HUWE1: variants seen among roughly 807,000 people sequenced by gnomAD.
The protein encoded by HUWE1 is E3 ubiquitin-protein ligase HUWE1.
Under a neutral mutation model 299.4 loss-of-function variants are expected in HUWE1, and 18 were observed. The observed-to-expected ratio is 0.06, with a 90% CI of 0.04 to 0.09. The LOEUF (loss-of-function observed/expected upper bound fraction) is 0.09. Among genes scored for constraint, HUWE1 ranks in the 10% least tolerant of loss-of-function variants. The pLI, the probability that HUWE1 is intolerant of heterozygous loss-of-function variation, is 1.00. For synonymous variants in HUWE1, 1,317 were observed against 1,286.1 expected (o/e 1.02, Z -0.51); for missense variants, 1,832 against 3,462.3 (o/e 0.53, Z 11.82).
At chrX:53,660,799 C>T (rs1357551837) in intron 3 of HUWE1, among the ~76,000 whole-genome samples, 2 of 111,549 alleles carry the variant, frequency 1.8e-5, no homozygotes, top group African/African-American at 3.3e-5. Context: ...GTGGCATCTA[C>T]TCAAAGTCCA....
intron 22 of HUWE1, 65 bp downstream of exon 22, chrX:53,615,679 A>G: frequency 2.2e-6 from 2 of 891,691 alleles, no homozygotes; most frequent in Non-Finnish European, 1.6e-6. Context: ...TAGTAGGCCA[A>G]TCTTCTAAAA....
chrX:53,556,357 G>C, intron 60 of HUWE1: 1 of 342,143 alleles, frequency 2.9e-6, no homozygotes, highest in Non-Finnish European at 5.9e-6. Context: ...AAGGGCAGCA[G>C]GCAAAAGGCC....
intron 42 of HUWE1, 32 bp from the exon 43 acceptor site, chrX:53,581,058 AAAC>A: frequency 1.0e-5 from 11 of 1,104,604 alleles, no homozygotes; most frequent in Non-Finnish European, 1.4e-5. Flanking sequence ...ACTGTCGATT[AAAC>A]ACTACTTTCT....
intron 3 of HUWE1, among the ~76,000 whole-genome samples, chrX:53,659,991 A>C (rs2068920937): frequency 8.9e-6 from 1 of 112,535 alleles, no homozygotes; most frequent in Non-Finnish European, 1.9e-5. Flanking sequence ...CAAATAAGCA[A>C]CTTGCTCTAA....
At chrX:53,638,909 A>T (rs1557028382) in intron 7 of HUWE1, among the ~76,000 whole-genome samples, 2 of 111,942 alleles carry the variant, frequency 1.8e-5, no homozygotes, top group Non-Finnish European at 3.8e-5. Context: ...TCACATTCAC[A>T]ATTAGCCCAC....
intron 43 of HUWE1, among the ~76,000 whole-genome samples, chrX:53,578,516 A>C (rs1477873537): frequency 1.4e-3 from 80 of 55,717 alleles, no homozygotes; most frequent in South Asian, 6.4e-3. Flanking sequence ...CCAGCCGCCC[A>C]GTCCGGGAGG....
chrX:53,676,760 T>C (rs1430189520), intron 3 of HUWE1, among the ~76,000 whole-genome samples: 5 of 111,902 alleles, frequency 4.5e-5, no homozygotes, highest in East Asian at 2.8e-4. Flanking sequence ...CTGCAATGTA[T>C]TGAAACCCAT....
At chrX:53,627,646 A>G in intron 16 of HUWE1, 93 bp downstream of exon 16, 4 of 906,799 alleles carry the variant, frequency 4.4e-6, no homozygotes, top group Non-Finnish European at 6.3e-6. Context: ...AACAGAAGAG[A>G]CTGTAAGATC....
intron 68 of HUWE1, 56 bp from the exon 69 acceptor site, chrX:53,546,881 C>T (rs1467356921): frequency 8.6e-6 from 10 of 1,169,241 alleles, no homozygotes; most frequent in Non-Finnish European, 1.0e-5. Flanking sequence ...AAGCCAGGGA[C>T]TAAGTGACAA....
At chrX:53,659,255 T>A (rs1233931325) in intron 3 of HUWE1, among the ~76,000 whole-genome samples, 1 of 112,821 alleles carries the variant, frequency 8.9e-6, no homozygotes, top group East Asian at 2.8e-4. Context: ...TGGATGTTTA[T>A]AGTACCTTCA....
rs1040162448 is a variant in HUWE1 at position 53,565,968 on chromosome X, G to T, written c.6708-729C>A. 4.7e-5 allele frequency among the ~76,000 whole-genome samples: 5 copies of T among 107,371 alleles called. No individual in the cohort carries two copies. The East Asian group carries it at 1.5e-3, about 31-fold the overall frequency. The allele number at this position is 107,371 out of a possible 115,157, so 93.2% of individuals were successfully genotyped here. On this transcript the variant is annotated intron_variant, in intron 49 of 83. Coordinates refer to ENST00000262854, the MANE Select transcript of HUWE1 (RefSeq NM_031407.7). ...TAGAGTTCAATAAAAGTACAATAGGGGCTGCAGTTGGAGGTGTGGTATGAT... is the reference window on the plus strand; with the variant it reads ...TAGAGTTCAATAAAAGTACAATAGGTGCTGCAGTTGGAGGTGTGGTATGAT...
chrX:53,570,684 T>C (rs2062784161), intron 47 of HUWE1, among the ~76,000 whole-genome samples: 1 of 112,657 alleles, frequency 8.9e-6, no homozygotes, highest in African/African-American at 3.2e-5. Flanking sequence ...CTACAATTCC[T>C]GCCTAGACAA....
intron 23 of HUWE1, 148 bp from the exon 24 acceptor site, chrX:53,609,057 C>T (rs1556999563): frequency 2.1e-6 from 1 of 476,849 alleles, no homozygotes; most frequent in East Asian, 3.9e-5. Context: ...TTGCTGTCAC[C>T]CAGGCTGGAG....
intron 7 of HUWE1, among the ~76,000 whole-genome samples, chrX:53,643,524 A>G (rs1168570475): frequency 9.0e-6 from 1 of 110,688 alleles, no homozygotes; most frequent in African/African-American, 3.3e-5. Context: ...TAATTTTTGT[A>G]TTGTTTTAGT....
chrX:53,589,852 G>A (rs1445983245), intron 35 of HUWE1, 36 bp from the exon 36 acceptor site: 103 of 1,168,039 alleles, frequency 8.8e-5, no homozygotes, highest in Non-Finnish European at 1.2e-4. Flanking sequence ...TAATACACAG[G>A]AGAGGTGAAG....
chrX:53,656,065 C>A (rs942860587), intron 3 of HUWE1, among the ~76,000 whole-genome samples: 1 of 110,490 alleles, frequency 9.1e-6, no homozygotes, highest in Non-Finnish European at 1.9e-5. Context: ...GGCAACAGAG[C>A]GAGACTCCAT....
intron 43 of HUWE1, among the ~76,000 whole-genome samples, chrX:53,579,304 G>A (rs1460544208): frequency 2.3e-5 from 2 of 88,237 alleles, no homozygotes; most frequent in Non-Finnish European, 4.5e-5. Context: ...CTGGCCAGCC[G>A]CCCCGTCCGG....
chrX:53,541,953 G>A (rs2061362299), intron 74 of HUWE1, among the ~76,000 whole-genome samples: 1 of 111,582 alleles, frequency 9.0e-6, no homozygotes, highest in Admixed American at 9.5e-5. Flanking sequence ...GGCCAAGACA[G>A]GTGGATCACC....
intron 23 of HUWE1, among the ~76,000 whole-genome samples, chrX:53,611,073 C>T (rs890273885): frequency 2.3e-4 from 25 of 109,179 alleles, no homozygotes; most frequent in African/African-American, 1.3e-4. Flanking sequence ...AGGCACCCCA[C>T]GTACCTGGCG....
Sources: gnomAD v4.1 joint callset for allele counts (sites outside exome capture counted in the v4.1 genomes callset) on GRCh38, gnomAD v4.1.1 for gene constraint, MANE v1.5 for transcripts, NCBI Gene and HGNC (gene_info 2026-07-23, HGNC 2026-07-21) for gene names.